Variants in RBMS1 observed in about 807,000 individuals in gnomAD.
RBMS1 encodes the protein RNA-binding motif, single-stranded-interacting protein 1.
In RBMS1, 17 loss-of-function variants were observed where a neutral mutation model predicts 62.3. The ratio of observed to expected loss-of-function variants is 0.27; its 90% confidence interval spans 0.19 to 0.41. The LOEUF (loss-of-function observed/expected upper bound fraction) is 0.41. Ranked by LOEUF, RBMS1 falls within the 10% of genes least tolerant of loss-of-function variation. RBMS1 has a pLI of 1.00. For missense variants in RBMS1, 334 were observed against 504.5 expected (o/e 0.66, Z 3.24); for synonymous variants, 172 against 170.0 (o/e 1.01, Z -0.09).
intron 4 of RBMS1, among the ~76,000 whole-genome samples, chr2:160,306,085 T>C (rs1333121583): frequency 6.6e-6 from 1 of 152,094 alleles, no homozygotes; most frequent in Non-Finnish European, 1.5e-5. Flanking sequence ...GTTGTGATCA[T>C]GCTACTGCAT....
At chr2:160,432,723 G>C (rs1682950361) in intron 1 of RBMS1, among the ~76,000 whole-genome samples, 1 of 152,108 alleles carries the variant, frequency 6.6e-6, no homozygotes. Flanking sequence ...GGGGAAAAGG[G>C]AGTAAAGGTC....
At chr2:160,283,530 G>GA (rs1688211845) in intron 9 of RBMS1, 1 of 152,220 alleles carries the variant, frequency 6.6e-6, no homozygotes, top group Non-Finnish European at 1.5e-5. Flanking sequence ...TAAGAGCCTA[G>GA]AAGCATAGGA....
chr2:160,311,250 A>ATCTATATATC (rs1559361727), intron 4 of RBMS1, among the ~76,000 whole-genome samples: 6 of 131,568 alleles, frequency 4.6e-5, no homozygotes, highest in Admixed American at 7.9e-5. Context: ...ATATATATAT[A>ATCTATATATC]TATATATAGT....
chr2:160,479,528 G>A (rs1486584898), intron 1 of RBMS1, among the ~76,000 whole-genome samples: 2 of 152,214 alleles, frequency 1.3e-5, no homozygotes, highest in Non-Finnish European at 2.9e-5. Context: ...TCCAACCTGT[G>A]ATCAGTTTCC....
intron 2 of RBMS1, among the ~76,000 whole-genome samples, chr2:160,347,255 T>C (rs1404561581): frequency 6.6e-6 from 1 of 152,164 alleles, no homozygotes; most frequent in African/African-American, 2.4e-5. Flanking sequence ...CGAATTCAAA[T>C]GGTTTAAAGT....
chr2:160,376,766 G>A (rs930096087), intron 1 of RBMS1, among the ~76,000 whole-genome samples: 1 of 151,944 alleles, frequency 6.6e-6, no homozygotes, highest in Non-Finnish European at 1.5e-5. Context: ...CTCCCACGTA[G>A]CTGGGACAAT....
intron 5 of RBMS1, among the ~76,000 whole-genome samples, chr2:160,303,088 T>G (rs1431809075): frequency 6.6e-6 from 1 of 152,206 alleles, no homozygotes; most frequent in Non-Finnish European, 1.5e-5. Context: ...GAACTTTTGC[T>G]CATGTGATAG....
At chr2:160,356,413 T>TA (rs1204815114) in intron 2 of RBMS1, among the ~76,000 whole-genome samples, 1 of 152,092 alleles carries the variant, frequency 6.6e-6, no homozygotes, top group African/African-American at 2.4e-5. Context: ...CTGGAGAAAT[T>TA]AGTCTATTGT....
chr2:160,416,493 A>C (rs1696214303), intron 1 of RBMS1, among the ~76,000 whole-genome samples: 1 of 152,178 alleles, frequency 6.6e-6, no homozygotes, highest in South Asian at 2.1e-4. Context: ...AGACATAATG[A>C]ATTTATAAAA....
intron 1 of RBMS1, among the ~76,000 whole-genome samples, chr2:160,387,414 T>C (rs1044648507): frequency 1.5e-4 from 23 of 151,916 alleles, no homozygotes; most frequent in African/African-American, 5.3e-4. Flanking sequence ...TTCCTAAAGG[T>C]AGCATTAACT....
rs2050029375 is a variant in RBMS1, at chr2:160,311,228, CTATCTATATATATAT to C, written c.402+1913_402+1927del. Among the ~76,000 whole-genome samples the C allele has an allele frequency of 2.5e-4, 24 of 95,944 alleles. 1 individual carries two copies. Among genetic ancestry groups the C allele is most frequent in the African/African-American group, 2.9e-4 (8 of 27,940 alleles). 62.9% of individuals were successfully genotyped at this position (95,944 alleles called of 152,430 possible). ...AAAAAAAATCTATCTATCTATCTAT[CTATCTATATATATAT>C]ATATATATATATATAGTCTGTTTAT... is the stretch of plus-strand genomic sequence containing the variant. On this transcript the variant is annotated intron_variant, in intron 4 of 13. Transcript: ENST00000348849.
At chr2:160,371,792 T>C (rs1693738689) in intron 1 of RBMS1, among the ~76,000 whole-genome samples, 1 of 152,128 alleles carries the variant, frequency 6.6e-6, no homozygotes, top group African/African-American at 2.4e-5. Context: ...TGGATAGCAA[T>C]CAGGGAGCAC....
intron 1 of RBMS1, among the ~76,000 whole-genome samples, chr2:160,377,479 T>C (rs1332768963): frequency 6.6e-6 from 1 of 152,232 alleles, no homozygotes; most frequent in Non-Finnish European, 1.5e-5. Context: ...GTTTTGCTCA[T>C]GCACAAGGCA....
At chr2:160,286,683 G>A (rs868015429) in intron 7 of RBMS1, among the ~76,000 whole-genome samples, 1 of 151,994 alleles carries the variant, frequency 6.6e-6, no homozygotes, top group South Asian at 2.1e-4. Context: ...TTTTCTTATG[G>A]CAATTTAGAA....
chr2:160,302,983 A>C (rs1483853414), intron 5 of RBMS1, among the ~76,000 whole-genome samples: 1 of 152,242 alleles, frequency 6.6e-6, no homozygotes, highest in Non-Finnish European at 1.5e-5. Flanking sequence ...CGAATAAGAA[A>C]AAACATACTG....
intron 1 of RBMS1, among the ~76,000 whole-genome samples, chr2:160,487,355 G>A (rs967450483): frequency 6.6e-6 from 1 of 152,156 alleles, no homozygotes; most frequent in Non-Finnish European, 1.5e-5. Flanking sequence ...TGCTTTCGTG[G>A]GTGCACTACT....
At chr2:160,324,866 ATGTGTG>A (rs368566224) in intron 2 of RBMS1, among the ~76,000 whole-genome samples, 3 of 113,126 alleles carry the variant, frequency 2.7e-5, no homozygotes, top group African/African-American at 9.3e-5. Context: ...TCTAAGCGAG[ATGTGTG>A]TGTGTGTGTG....
intron 2 of RBMS1, among the ~76,000 whole-genome samples, chr2:160,336,692 C>CT (rs1217222641): frequency 6.6e-6 from 1 of 152,038 alleles, no homozygotes; most frequent in Non-Finnish European, 1.5e-5. Context: ...AGATGTTTGA[C>CT]TTTTTTTTCC....
chr2:160,369,774 CAA>C (rs1199976324), intron 1 of RBMS1, among the ~76,000 whole-genome samples: 3 of 152,158 alleles, frequency 2.0e-5, no homozygotes, highest in Non-Finnish European at 4.4e-5. Flanking sequence ...GACTGCATTC[CAA>C]GACTGCATTC....
Sources: gnomAD v4.1 joint callset for allele counts (sites outside exome capture counted in the v4.1 genomes callset) on GRCh38, gnomAD v4.1.1 for gene constraint, MANE v1.5 for transcripts, NCBI Gene and HGNC (gene_info 2026-07-23, HGNC 2026-07-21) for gene names.